MRPS31: variants seen among roughly 807,000 people sequenced by gnomAD.
MRPS31 encodes the protein mitochondrial ribosomal protein S31.
In MRPS31, 32 loss-of-function variants were observed where a neutral mutation model predicts 43.1. The observed-to-expected ratio is 0.74, with a 90% CI of 0.56 to 1.00. MRPS31 has a LOEUF of 1.00. Among genes scored for constraint, MRPS31 ranks in the 50% least tolerant of loss-of-function variants. The pLI, the probability that MRPS31 is intolerant of heterozygous loss-of-function variation, is 0.00. For missense variants in MRPS31, 437 were observed against 466.7 expected (o/e 0.94, Z 0.59); for synonymous variants, 165 against 161.6 (o/e 1.02, Z -0.16).
At chr13:40,769,372 C>CTA (rs1880937464) in intron 1 of MRPS31, among the ~76,000 whole-genome samples, 1 of 39,780 alleles carries the variant, frequency 2.5e-5, no homozygotes, top group Non-Finnish European at 5.2e-5. Flanking sequence ...AAGACTCTGT[C>CTA]CATATATATA....
intron 6 of MRPS31, among the ~76,000 whole-genome samples, chr13:40,737,160 C>G (rs1879938214): frequency 6.7e-6 from 1 of 150,198 alleles, no homozygotes; most frequent in African/African-American, 2.4e-5. Flanking sequence ...GACTTTAAAC[C>G]AACAAAGATC....
At chr13:40,755,013 G>C (rs1479953181) in intron 4 of MRPS31, among the ~76,000 whole-genome samples, 2 of 152,250 alleles carry the variant, frequency 1.3e-5, no homozygotes, top group Non-Finnish European at 2.9e-5. Flanking sequence ...CAGGCTGGGC[G>C]ATAAGAGCGA....
chr13:40,758,416 T>A (rs1880596586), intron 3 of MRPS31, among the ~76,000 whole-genome samples: 1 of 152,158 alleles, frequency 6.6e-6, no homozygotes, highest in African/African-American at 2.4e-5. Flanking sequence ...AACAACTGAT[T>A]TAGATCACTC....
At chr13:40,742,364 T>C (rs1385016795) in intron 6 of MRPS31, among the ~76,000 whole-genome samples, 1 of 151,390 alleles carries the variant, frequency 6.6e-6, no homozygotes. Flanking sequence ...AATGACCAAT[T>C]ATTTTTGAGA....
chr13:40,758,790 TAA>T (rs1880608421), intron 3 of MRPS31, among the ~76,000 whole-genome samples, 156 bp downstream of exon 3: 1 of 152,216 alleles, frequency 6.6e-6, no homozygotes, highest in Admixed American at 6.5e-5. Context: ...ACTTAAGACA[TAA>T]GTTTTTTAAA....
chr13:40,766,597 G>T, intron 2 of MRPS31, 149 bp downstream of exon 2: 1 of 844,862 alleles, frequency 1.2e-6, no homozygotes, highest in Non-Finnish European at 1.8e-6. Flanking sequence ...GCCCAGCCTC[G>T]AGTAATTATT....
At chr13:40,758,854 C>T (rs532426972) in intron 3 of MRPS31, 94 bp downstream of exon 3, 26 of 1,132,600 alleles carry the variant, frequency 2.3e-5, no homozygotes, top group African/African-American at 3.2e-5. Flanking sequence ...ATTCCACTTA[C>T]GTGGTATATA....
At chr13:40,750,742 TTATATATATATATA>T (rs66521234) in intron 5 of MRPS31, among the ~76,000 whole-genome samples, 6,106 of 130,834 alleles carry the variant, frequency 0.047, 302 homozygotes, top group East Asian at 0.15. Context: ...GTATCCCATT[TTATATATATATATA>T]TATATATATA....
At position 40,769,907 on chromosome 13, in the gene MRPS31, C is replaced by T. The variant is rs1275609032; in HGVS notation, c.152+1078G>A. On this transcript the variant is annotated intron_variant, in intron 1 of 6. Coordinates refer to ENST00000323563, the MANE Select transcript of MRPS31 (RefSeq NM_005830.4). The stretch of plus-strand genomic sequence containing the variant: ...TTCCACTGACAGCAGCTCATCAGTA[C>T]TTCAAATGCAACACCTTCAACACCA... 2.0e-5 allele frequency among the ~76,000 whole-genome samples: 3 copies of T among 152,198 alleles called. No individual in the cohort carries two copies. In the East Asian group the frequency reaches 5.8e-4, roughly 29 times the overall value.
intron 6 of MRPS31, among the ~76,000 whole-genome samples, chr13:40,748,255 T>A (rs1301585569): frequency 6.6e-6 from 1 of 152,192 alleles, no homozygotes; most frequent in African/African-American, 2.4e-5. Context: ...CCTCCCGGGT[T>A]CAAACGATTC....
chr13:40,768,197 G>C (rs1880903602), intron 1 of MRPS31, among the ~76,000 whole-genome samples: 1 of 152,154 alleles, frequency 6.6e-6, no homozygotes. Context: ...TTCAGTAAGA[G>C]GGTATATTAA....
At chr13:40,748,997 T>TG (rs1880315286) in intron 6 of MRPS31, 141 bp downstream of exon 6, 2 of 749,378 alleles carry the variant, frequency 2.7e-6, no homozygotes, top group South Asian at 5.6e-5. Flanking sequence ...TAAAAAACCT[T>TG]GTCAGATTTA....
At chr13:40,741,924 C>CAA (rs1379481365) in intron 6 of MRPS31, among the ~76,000 whole-genome samples, 4 of 148,174 alleles carry the variant, frequency 2.7e-5, no homozygotes, top group African/African-American at 1.0e-4. Context: ...CACACACACA[C>CAA]ACACACACAC....
intron 2 of MRPS31, among the ~76,000 whole-genome samples, chr13:40,763,722 A>C (rs989920743): frequency 6.6e-6 from 1 of 152,192 alleles, no homozygotes; most frequent in African/African-American, 2.4e-5. Context: ...CCTGAAAACC[A>C]GGGGAAACTT....
intron 3 of MRPS31, among the ~76,000 whole-genome samples, chr13:40,757,291 A>G (rs879861045): frequency 6.6e-6 from 1 of 152,236 alleles, no homozygotes; most frequent in Non-Finnish European, 1.5e-5. Context: ...AAATGATAGG[A>G]AAGTAAAATC....
At chr13:40,746,793 A>G (rs1353543162) in intron 6 of MRPS31, among the ~76,000 whole-genome samples, 1 of 152,270 alleles carries the variant, frequency 6.6e-6, no homozygotes, top group East Asian at 1.9e-4. Context: ...ACAGTATACA[A>G]TGGAAAACAG....
chr13:40,738,951 T>G (rs9549276), intron 6 of MRPS31, among the ~76,000 whole-genome samples: 65,954 of 151,876 alleles, frequency 0.43, 16,417 homozygotes, highest in East Asian at 0.77. Flanking sequence ...AATTAGGCAG[T>G]AGAAAGAAAT....
intron 6 of MRPS31, among the ~76,000 whole-genome samples, chr13:40,730,438 T>C (rs1013735981): frequency 7.2e-5 from 11 of 152,118 alleles, no homozygotes; most frequent in Non-Finnish European, 1.6e-4. Context: ...GGTATAAGAA[T>C]TGTTTGAACC....
At chr13:40,745,444 G>A (rs1880215317) in intron 6 of MRPS31, among the ~76,000 whole-genome samples, 1 of 152,086 alleles carries the variant, frequency 6.6e-6, no homozygotes. Flanking sequence ...TAGAGATGGG[G>A]TTTCACCATG....
Sources: gnomAD v4.1 joint callset for allele counts (sites outside exome capture counted in the v4.1 genomes callset) on GRCh38, gnomAD v4.1.1 for gene constraint, MANE v1.5 for transcripts, NCBI Gene and HGNC (gene_info 2026-07-23, HGNC 2026-07-21) for gene names.